The following SLC22A2 variants were observed in gnomAD, a reference collection of about 807,000 sequenced individuals.
SLC22A2 encodes the protein organic cation transporter 2.
SLC22A2 carries 46 observed loss-of-function variants against 60.5 expected under a neutral mutation model. The ratio of observed to expected loss-of-function variants is 0.76; its 90% CI spans 0.60 to 0.97. The LOEUF is 0.97. SLC22A2 is among the 50% of genes least tolerant of loss of function. SLC22A2 has a pLI of 0.00. For synonymous variants in SLC22A2, 303 were observed against 267.0 expected, an observed-to-expected ratio of 1.13 and a Z score of -1.31; for missense variants, 701 against 706.6, an observed-to-expected ratio of 0.99 and a Z score of 0.09.
In SLC22A2 at chr6:160,228,707, T is replaced by C. The variant is rs150996855; in HGVS notation, c.1502-3903A>G. Among the ~76,000 whole-genome samples the C allele has an allele frequency of 6.9e-3, 1,054 of 152,062 alleles. 13 individuals are homozygous for C. The highest frequency in any genetic ancestry group is 0.024 in the African/African-American group (979 of 41,362). On this transcript the variant is annotated intron_variant, in intron 9 of 10. Coordinates refer to ENST00000366953, the MANE Select transcript of SLC22A2 (RefSeq NM_003058.4). The stretch of plus-strand genomic sequence containing the variant: ...ATATCCCCTGTGGCCTGCACGTATA[T>C]ATCCAGATGGCCTGAAGTAACTGAA...
chr6:160,222,943 TTGGTGGCCTGC>T (rs2114849531), intron 10 of SLC22A2, among the ~76,000 whole-genome samples: 1 of 152,328 alleles, frequency 6.6e-6, no homozygotes. Context: ...ACTGGAGAAC[TTGGTGGCCTGC>T]AGGCTGCGAG....
Position 160,258,511 on chromosome 6 carries a change from C to T in SLC22A2, c.247G>A (p.Glu83Lys), listed in dbSNP as rs750937051. The T allele has an allele frequency of 6.2e-7, 1 of 1,614,124 alleles. No homozygotes were observed. Residue 83 changes from glutamate (E) to lysine (K), a missense_variant, in exon 1 of 11, where the codon GAA becomes AAA. Transcript: ENST00000366953. Reference sequence around the variant, plus strand: ...CGCCTACACTGTCTTGGGGAGGCTTCGCCCGCAGGTCCTGGGCCCGGCACC... The same window carrying T: ...CGCCTACACTGTCTTGGGGAGGCTTTGCCCGCAGGTCCTGGGCCCGGCACC... Reference protein sequence around the residue: ...YTVPGPGPAGEASPRQCRRYE... With the variant: ...YTVPGPGPAGKASPRQCRRYE...
At chr6:160,237,547 A>G (rs1782930289) in intron 9 of SLC22A2, among the ~76,000 whole-genome samples, 2 of 152,312 alleles carry the variant, frequency 1.3e-5, no homozygotes, top group South Asian at 2.1e-4. Context: ...AAGAGACCCT[A>G]ATACTTAATC....
intron 9 of SLC22A2, among the ~76,000 whole-genome samples, chr6:160,227,330 T>A (rs978667296): frequency 6.6e-6 from 1 of 152,234 alleles, no homozygotes; most frequent in African/African-American, 2.4e-5. Flanking sequence ...TTTCTATTGA[T>A]TCCGGACCTT....
chr6:160,241,420 A>T (rs747263772), intron 9 of SLC22A2, 54 bp downstream of exon 9: 1 of 1,106,192 alleles, frequency 9.0e-7, no homozygotes, highest in Non-Finnish European at 1.4e-6. Flanking sequence ...AAGAGAAGTG[A>T]AGGTCTCTAG....
chr6:160,249,718 G>A (rs1171677097), intron 3 of SLC22A2, among the ~76,000 whole-genome samples: 1 of 152,212 alleles, frequency 6.6e-6, no homozygotes, highest in African/African-American at 2.4e-5. Context: ...CTGAACAAAT[G>A]AATCAAACAT....
At chr6:160,250,520 T>C (rs1020317121) in intron 3 of SLC22A2, 28 bp downstream of exon 3, 3 of 1,613,498 alleles carry the variant, frequency 1.9e-6, no homozygotes, top group South Asian at 1.1e-5. Context: ...TGCTTTGTTC[T>C]CACAGTTGCA....
chr6:160,243,454 A>G, intron 7 of SLC22A2, 118 bp downstream of exon 7: 1 of 826,876 alleles, frequency 1.2e-6, no homozygotes, highest in Admixed American at 2.0e-5. Context: ...ACTGCCCTCC[A>G]ATTTGTCTTT....
intron 9 of SLC22A2, among the ~76,000 whole-genome samples, chr6:160,230,994 C>G (rs1229974383): frequency 1.3e-5 from 2 of 151,886 alleles, no homozygotes; most frequent in East Asian, 3.9e-4. Flanking sequence ...CTCGGAAGCC[C>G]CCTGGACCAT....
chr6:160,226,826 C>G (rs1008453065), intron 9 of SLC22A2, among the ~76,000 whole-genome samples: 1 of 152,088 alleles, frequency 6.6e-6, no homozygotes, highest in African/African-American at 2.4e-5. Context: ...TCACCCCCAC[C>G]CCTTCCCATT....
At chr6:160,235,386 G>A (rs1430452977) in intron 9 of SLC22A2, among the ~76,000 whole-genome samples, 1 of 149,936 alleles carries the variant, frequency 6.7e-6, no homozygotes, top group East Asian at 2.0e-4. Context: ...TTATGAAAAT[G>A]TCCCCATTCC....
At chr6:160,227,658 C>A (rs188487738) in intron 9 of SLC22A2, among the ~76,000 whole-genome samples, 3 of 152,138 alleles carry the variant, frequency 2.0e-5, no homozygotes, top group Admixed American at 1.3e-4. Context: ...CTTTTTTCCT[C>A]GACATGTCAG....
chr6:160,246,967 C>G (rs998768734), intron 5 of SLC22A2, among the ~76,000 whole-genome samples: 14 of 152,200 alleles, frequency 9.2e-5, no homozygotes, highest in African/African-American at 3.1e-4. Flanking sequence ...TTCTGGTTCT[C>G]TTTTAGTTTG....
At chr6:160,225,132 T>C (rs1446950093) in intron 9 of SLC22A2, among the ~76,000 whole-genome samples, 1 of 152,200 alleles carries the variant, frequency 6.6e-6, no homozygotes, top group African/African-American at 2.4e-5. Context: ...AAAGGAGGAC[T>C]GTAACCCTTC....
chr6:160,228,261 C>T (rs1782759031), intron 9 of SLC22A2, among the ~76,000 whole-genome samples: 1 of 152,180 alleles, frequency 6.6e-6, no homozygotes, highest in African/African-American at 2.4e-5. Context: ...CTCCCCTCCG[C>T]CAGCGCAAAG....
intron 2 of SLC22A2, among the ~76,000 whole-genome samples, chr6:160,256,363 C>T (rs931791766): frequency 6.6e-6 from 1 of 152,108 alleles, no homozygotes; most frequent in African/African-American, 2.4e-5. Flanking sequence ...TCTGCATAGC[C>T]CCCATGGAAG....
chr6:160,253,328 C>T (rs1480125430), intron 2 of SLC22A2, among the ~76,000 whole-genome samples: 1 of 152,092 alleles, frequency 6.6e-6, no homozygotes, highest in Non-Finnish European at 1.5e-5. Flanking sequence ...TAAGGGGTGG[C>T]TTATGCAGAA....
intron 9 of SLC22A2, among the ~76,000 whole-genome samples, chr6:160,232,664 G>T (rs144393940): frequency 6.6e-6 from 1 of 151,538 alleles, no homozygotes; most frequent in African/African-American, 2.4e-5. Context: ...AGATCCCATC[G>T]CTCAGGACAA....
chr6:160,225,065 A>G (rs1416708821), intron 9 of SLC22A2, among the ~76,000 whole-genome samples: 1 of 152,212 alleles, frequency 6.6e-6, no homozygotes, highest in East Asian at 1.9e-4. Flanking sequence ...GGACATTGCC[A>G]CCATATTAAG....
Sources: gnomAD v4.1 joint callset for allele counts (sites outside exome capture counted in the v4.1 genomes callset) on GRCh38, gnomAD v4.1.1 for gene constraint, MANE v1.5 for transcripts, NCBI Gene and HGNC (gene_info 2026-07-23, HGNC 2026-07-21) for gene names.